GABBR2: variants seen among roughly 807,000 people sequenced by gnomAD.
The protein encoded by GABBR2 is gamma-aminobutyric acid type B receptor subunit 2, also known as G-protein coupled receptor 51.
GABBR2 carries 23 observed loss-of-function variants against 105.6 expected under a neutral mutation model. That is an observed-to-expected ratio of 0.22 (90% confidence interval 0.16 to 0.31). The LOEUF (loss-of-function observed/expected upper bound fraction) is 0.31, where lower values mean the gene tolerates loss of function less well. Among genes scored for constraint, GABBR2 ranks in the 10% least tolerant of loss-of-function variants. The pLI, the probability that GABBR2 is intolerant of heterozygous loss-of-function variation, is 1.00. For synonymous variants in GABBR2, 478 were observed against 499.7 expected, an observed-to-expected ratio of 0.96 and a Z score of 0.58; for missense variants, 734 against 1,245.5, an observed-to-expected ratio of 0.59 and a Z score of 6.18.
At chr9:98,673,597 CAG>C (rs200187890) in intron 1 of GABBR2, among the ~76,000 whole-genome samples, 6,269 of 40,002 alleles carry the variant, frequency 0.16, 203 homozygotes, top group East Asian at 0.41. Context: ...AAAAAAAAAA[CAG>C]GGAATAAAAA....
chr9:98,383,091 G>A (rs866745116), intron 11 of GABBR2, among the ~76,000 whole-genome samples: 4 of 152,078 alleles, frequency 2.6e-5, no homozygotes, highest in Non-Finnish European at 5.9e-5. Flanking sequence ...ACAGGCATGC[G>A]CCTCCATGCC....
At chr9:98,479,236 C>T (rs1826859743) in intron 5 of GABBR2, among the ~76,000 whole-genome samples, 1 of 152,192 alleles carries the variant, frequency 6.6e-6, no homozygotes, top group Admixed American at 6.5e-5. Flanking sequence ...CCCATTCCAT[C>T]TTTGGACACC....
At chr9:98,515,306 G>A (rs1357947514) in intron 3 of GABBR2, among the ~76,000 whole-genome samples, 1 of 152,164 alleles carries the variant, frequency 6.6e-6, no homozygotes, top group Non-Finnish European at 1.5e-5. Context: ...CACCCCTGCA[G>A]AAATAGGACA....
In GABBR2 at chr9:98,708,646, A is replaced by G; in HGVS notation, c.92T>C (p.Leu31Pro). The G allele has an allele frequency of 1.6e-6, 2 of 1,240,214 alleles. No homozygotes were observed. The highest frequency in any genetic ancestry group is 3.5e-5 in the South Asian group (1 of 28,482). 76.8% of individuals were successfully genotyped at this position (1,240,214 alleles called of 1,614,324 possible). The change falls in exon 1 of 19, where the codon CTG becomes CCG. Residue 31 changes from leucine to proline, a missense_variant. By Grantham distance (98) the Leu-to-Pro change is moderately conservative. Coordinates refer to ENST00000259455, the MANE Select transcript of GABBR2 (RefSeq NM_005458.8). ...ARLLLLLLLP[L>P]LLPLAPGAWG... ...GGCCCCGGGCGCCAGAGGCAGCAGC[A>G]GCGGCAGCAGCAGTAGCAGTAGCAG...
intron 7 of GABBR2, among the ~76,000 whole-genome samples, chr9:98,429,667 A>G (rs572316053): frequency 6.6e-6 from 1 of 152,328 alleles, no homozygotes; most frequent in Non-Finnish European, 1.5e-5. Flanking sequence ...ACAGGAAGAC[A>G]GGACCAAAGC....
chr9:98,659,057 C>G (rs893458460), intron 1 of GABBR2, among the ~76,000 whole-genome samples: 5 of 152,248 alleles, frequency 3.3e-5, no homozygotes, highest in Admixed American at 3.3e-4. Context: ...TTTTCTCAGC[C>G]AAGAAAAACT....
chr9:98,458,861 G>A (rs2808543), intron 6 of GABBR2, among the ~76,000 whole-genome samples: 78,228 of 152,038 alleles, frequency 0.51, 20,412 homozygotes, highest in Non-Finnish European at 0.56. Context: ...TCCCTCCTGC[G>A]ATCTGATTAT....
At chr9:98,455,179 C>T (rs2131605158) in intron 6 of GABBR2, among the ~76,000 whole-genome samples, 1 of 152,270 alleles carries the variant, frequency 6.6e-6, no homozygotes, top group African/African-American at 2.4e-5. Context: ...TCCCATTGAG[C>T]TGAATTTCAT....
intron 1 of GABBR2, among the ~76,000 whole-genome samples, chr9:98,643,238 G>A (rs1377118940): frequency 1.3e-5 from 2 of 152,222 alleles, no homozygotes; most frequent in Admixed American, 1.3e-4. Flanking sequence ...CCTAGCAGAG[G>A]GAAATTGCCA....
chr9:98,448,919 T>TAA (rs10623958), intron 7 of GABBR2, among the ~76,000 whole-genome samples: 16,675 of 146,418 alleles, frequency 0.11, 1,380 homozygotes, highest in East Asian at 0.37. Context: ...GGAAAGAGTT[T>TAA]AAAAAAAAAA....
At chr9:98,607,490 A>G (rs1588249938) in intron 1 of GABBR2, 2 of 582,734 alleles carry the variant, frequency 3.4e-6, no homozygotes, top group East Asian at 2.9e-5. Context: ...AAATTAAAAT[A>G]TATGAATTTC....
At chr9:98,538,569 G>C in intron 3 of GABBR2, 1 of 978,906 alleles carries the variant, frequency 1.0e-6, no homozygotes, top group Non-Finnish European at 1.2e-6. Context: ...GGTTGGAGGT[G>C]CTCACAGGAG....
intron 1 of GABBR2, among the ~76,000 whole-genome samples, chr9:98,687,671 C>T (rs1830636142): frequency 6.6e-6 from 1 of 152,138 alleles, no homozygotes; most frequent in Non-Finnish European, 1.5e-5. Flanking sequence ...CTGAGGCTGC[C>T]CACCTTGCAA....
At chr9:98,447,058 G>T (rs1588165802) in intron 7 of GABBR2, among the ~76,000 whole-genome samples, 2 of 121,380 alleles carry the variant, frequency 1.6e-5, no homozygotes, top group Admixed American at 8.9e-5. Flanking sequence ...ACCTAAAAAA[G>T]ACTTCTTTTT....
chr9:98,289,236 A>G lies in GABBR2; in HGVS notation c.*1348T>C, dbSNP rs549048407. 1.3e-5 allele frequency: 2 copies of G among 152,346 alleles called. No homozygotes were observed. Among genetic ancestry groups the G allele is most frequent in the African/African-American group, 2.4e-5 (1 of 41,418 alleles). 9.4% of individuals were successfully genotyped at this position (152,346 alleles called of 1,614,324 possible). On this transcript the variant is annotated 3_prime_UTR_variant, in exon 19 of 19. Transcript: ENST00000259455. ...CTTTCCTGGACAAGATCAAGTTTCA[A>G]TCCTCAGAGTGACCTTGTGAGGTAG...
intron 1 of GABBR2, among the ~76,000 whole-genome samples, chr9:98,684,026 AAAAAAAAAAAAAT>A (rs1397040985): frequency 6.7e-6 from 1 of 150,150 alleles, no homozygotes; most frequent in African/African-American, 2.4e-5. Flanking sequence ...AAAAAAAAAA[AAAAAAAAAAAAAT>A]CTAAATAAAT....
intron 4 of GABBR2, among the ~76,000 whole-genome samples, chr9:98,483,135 T>G (rs1347877022): frequency 1.3e-5 from 2 of 152,160 alleles, no homozygotes; most frequent in Non-Finnish European, 2.9e-5. Context: ...AAGAGGCCCT[T>G]TCCTCCTCCT....
At chr9:98,558,850 T>G (rs1168181402) in intron 2 of GABBR2, among the ~76,000 whole-genome samples, 2 of 152,274 alleles carry the variant, frequency 1.3e-5, no homozygotes, top group African/African-American at 4.8e-5. Context: ...AACCACATGC[T>G]GCTGATAGGG....
At chr9:98,586,629 G>A (rs554333299) in intron 1 of GABBR2, among the ~76,000 whole-genome samples, 1 of 152,252 alleles carries the variant, frequency 6.6e-6, no homozygotes, top group African/African-American at 2.4e-5. Context: ...AGTTTTATAT[G>A]TACATGTTTC....
Sources: allele counts gnomAD v4.1 joint callset (sites outside exome capture counted in the v4.1 genomes callset), GRCh38; gene constraint gnomAD v4.1.1; transcripts MANE v1.5; gene names NCBI Gene and HGNC (gene_info 2026-07-23, HGNC 2026-07-21).